NAV2: variants seen among roughly 807,000 people sequenced by gnomAD.
NAV2 encodes the protein helicase, APC down-regulated 1.
Under a neutral mutation model 223.2 loss-of-function variants are expected in NAV2, and 54 were observed. The ratio of observed to expected loss-of-function variants is 0.24; its 90% CI spans 0.19 to 0.30. The LOEUF (loss-of-function observed/expected upper bound fraction) is 0.30. Ranked by LOEUF, NAV2 falls within the 10% of genes least tolerant of loss-of-function variation. NAV2 has a pLI of 1.00. For missense variants in NAV2, 2,806 were observed against 3,147.5 expected, an observed-to-expected ratio of 0.89 and a Z score of 2.60; for synonymous variants, 1,279 against 1,239.3, an observed-to-expected ratio of 1.03 and a Z score of -0.67.
intron 1 of NAV2, among the ~76,000 whole-genome samples, chr11:19,434,603 G>T (rs1213334065): frequency 6.6e-6 from 1 of 152,154 alleles, no homozygotes; most frequent in Non-Finnish European, 1.5e-5. Context: ...CAGCTTTGGG[G>T]CACATTTCTT....
At chr11:19,441,448 GCACACACACA>G (rs150858991) in intron 1 of NAV2, among the ~76,000 whole-genome samples, 3 of 145,852 alleles carry the variant, frequency 2.1e-5, no homozygotes, top group Non-Finnish European at 4.6e-5. Context: ...ACACACACAC[GCACACACACA>G]CACACACACA....
intron 1 of NAV2, among the ~76,000 whole-genome samples, chr11:19,790,348 G>A (rs1412099641): frequency 1.3e-5 from 2 of 152,204 alleles, no homozygotes; most frequent in Admixed American, 6.5e-5. Flanking sequence ...GAGAGGGAAA[G>A]TGATTTGCTT....
intron 11 of NAV2, among the ~76,000 whole-genome samples, chr11:20,009,821 TC>T (rs569306617): frequency 1.1e-4 from 17 of 152,304 alleles, no homozygotes; most frequent in African/African-American, 3.6e-4. Context: ...CTCTTCATCC[TC>T]ACCCCATCCC....
intron 11 of NAV2, among the ~76,000 whole-genome samples, chr11:20,004,551 G>A (rs545064926): frequency 1.4e-4 from 21 of 152,308 alleles, no homozygotes; most frequent in Non-Finnish European, 2.2e-4. Context: ...ATGCTGGGCA[G>A]TTTTGGTATT....
At chr11:19,365,377 G>A (rs919106319) in intron 1 of NAV2, among the ~76,000 whole-genome samples, 2 of 152,136 alleles carry the variant, frequency 1.3e-5, no homozygotes, top group Admixed American at 6.5e-5. Flanking sequence ...AATCACCTGT[G>A]GCTTAACAGC....
At chr11:19,900,322 A>G (rs1029012393) in intron 6 of NAV2, among the ~76,000 whole-genome samples, 5 of 152,166 alleles carry the variant, frequency 3.3e-5, no homozygotes, top group African/African-American at 1.2e-4. Context: ...CAGTTATCTC[A>G]GGAGAGGAGT....
intron 1 of NAV2, among the ~76,000 whole-genome samples, chr11:19,496,332 G>A (rs543117068): frequency 1.6e-4 from 24 of 152,302 alleles, no homozygotes; most frequent in East Asian, 5.8e-4. Flanking sequence ...GCTTAGCTGC[G>A]TGGTTCCAGC....
intron 1 of NAV2, among the ~76,000 whole-genome samples, chr11:19,759,398 C>T (rs1157687011): frequency 6.6e-6 from 1 of 152,124 alleles, no homozygotes; most frequent in Non-Finnish European, 1.5e-5. Context: ...CTGAAAGACA[C>T]TTTAATGATA....
intron 10 of NAV2, among the ~76,000 whole-genome samples, chr11:19,978,259 T>A (rs2049977958): frequency 6.6e-6 from 1 of 152,104 alleles, no homozygotes; most frequent in African/African-American, 2.4e-5. Context: ...CTTTTCCAGG[T>A]CTGTCCAGAA....
chr11:19,903,370 A>C (rs2042605576), intron 6 of NAV2, among the ~76,000 whole-genome samples: 1 of 152,122 alleles, frequency 6.6e-6, no homozygotes, highest in Non-Finnish European at 1.5e-5. Flanking sequence ...GTGTCCTAGG[A>C]GCTCCTGCCA....
At chr11:19,900,525 T>C (rs11025320) in intron 6 of NAV2, among the ~76,000 whole-genome samples, 32,896 of 151,930 alleles carry the variant, frequency 0.22, 4,759 homozygotes, top group East Asian at 0.48. Context: ...ACCCCTGCAT[T>C]CCCAGGTAAC....
chr11:19,444,166 C>T (rs1330581974), intron 1 of NAV2, among the ~76,000 whole-genome samples: 1 of 152,206 alleles, frequency 6.6e-6, no homozygotes, highest in East Asian at 1.9e-4. Context: ...TGGTCTCCAT[C>T]TCTTGACCTT....
At chr11:19,694,998 G>T (rs886994072) in intron 1 of NAV2, among the ~76,000 whole-genome samples, 1 of 152,224 alleles carries the variant, frequency 6.6e-6, no homozygotes, top group African/African-American at 2.4e-5. Context: ...CAGCAGCAAA[G>T]TGCTATCCAG....
chr11:19,366,425 G>A (rs1410093879), intron 1 of NAV2, among the ~76,000 whole-genome samples: 1 of 152,146 alleles, frequency 6.6e-6, no homozygotes, highest in African/African-American at 2.4e-5. Flanking sequence ...TTCTAGCTGG[G>A]TTGTCTTTCT....
chr11:19,886,270 G>A (rs1320544230), intron 5 of NAV2, among the ~76,000 whole-genome samples: 1 of 152,174 alleles, frequency 6.6e-6, no homozygotes, highest in African/African-American at 2.4e-5. Context: ...GAGCCACTGA[G>A]CTGCCGAACC....
At chr11:19,499,160 G>A (rs2042887329) in intron 1 of NAV2, among the ~76,000 whole-genome samples, 1 of 152,206 alleles carries the variant, frequency 6.6e-6, no homozygotes, top group Non-Finnish European at 1.5e-5. Flanking sequence ...TGTGTGGGCT[G>A]ATTTACCCTG....
At chr11:19,994,416 G>A (rs530596279) in intron 11 of NAV2, among the ~76,000 whole-genome samples, 35 of 152,190 alleles carry the variant, frequency 2.3e-4, no homozygotes, top group Non-Finnish European at 4.7e-4. Flanking sequence ...GCGTGGTGGC[G>A]GGCGCCTGTA....
chr11:20,062,230 G>A, intron 19 of NAV2, 77 bp from the exon 20 acceptor site: 2 of 1,043,802 alleles, frequency 1.9e-6, no homozygotes, highest in Admixed American at 3.7e-5. Context: ...CTGTATTGCT[G>A]ATGTTCTCCT....
At chr11:19,452,567 T>C (rs746975498) in intron 1 of NAV2, among the ~76,000 whole-genome samples, 45 of 152,180 alleles carry the variant, frequency 3.0e-4, no homozygotes, top group Non-Finnish European at 4.3e-4. Context: ...CCATTGTGAG[T>C]TGAAAACATC....
Sources: gnomAD v4.1 joint callset for allele counts (sites outside exome capture counted in the v4.1 genomes callset) on GRCh38, gnomAD v4.1.1 for gene constraint, MANE v1.5 for transcripts, NCBI Gene and HGNC (gene_info 2026-07-23, HGNC 2026-07-21) for gene names.